The following LRCH3 variants were observed in gnomAD, a reference collection of about 807,000 sequenced individuals.
LRCH3 encodes the protein DISP complex protein LRCH3.
In LRCH3, 68 loss-of-function variants were observed where a neutral mutation model predicts 104.5. The ratio of observed to expected loss-of-function variants is 0.65; its 90% confidence interval spans 0.54 to 0.80. The LOEUF (loss-of-function observed/expected upper bound fraction) is 0.80, where lower values mean the gene tolerates loss of function less well. Ranked by LOEUF, LRCH3 falls within the 30% of genes least tolerant of loss-of-function variation. The pLI, the probability that LRCH3 is intolerant of heterozygous loss-of-function variation, is 0.00. For missense variants in LRCH3, 951 were observed against 953.9 expected, an observed-to-expected ratio of 1.00 and a Z score of 0.04; for synonymous variants, 344 against 361.3, an observed-to-expected ratio of 0.95 and a Z score of 0.54.
chr3:197,875,652 A>C, intron 19 of LRCH3, 46 bp from the exon 20 acceptor site: 1 of 1,449,336 alleles, frequency 6.9e-7, no homozygotes, highest in Non-Finnish European at 9.3e-7. Context: ...ACCCTGTCCC[A>C]GAAACAAAAC....
intron 17 of LRCH3, among the ~76,000 whole-genome samples, chr3:197,866,689 G>T (rs1741526467): frequency 6.6e-6 from 1 of 152,166 alleles, no homozygotes; most frequent in Non-Finnish European, 1.5e-5. Flanking sequence ...TCATGGTGGT[G>T]TGTGCCTGTG....
At chr3:197,871,582 C>G in intron 19 of LRCH3, 120 bp downstream of exon 19, 2 of 1,346,886 alleles carry the variant, frequency 1.5e-6, no homozygotes, top group Non-Finnish European at 2.0e-6. Flanking sequence ...AGTCCAGTCT[C>G]TACCTTCCTG....
intron 19 of LRCH3, among the ~76,000 whole-genome samples, chr3:197,872,061 A>T (rs552393526): frequency 6.6e-6 from 1 of 152,332 alleles, no homozygotes; most frequent in African/African-American, 2.4e-5. Context: ...ACTGCAGTTT[A>T]GAATGACGAA....
chr3:197,851,745 G>A (rs1389315956), intron 12 of LRCH3, among the ~76,000 whole-genome samples: 1 of 152,076 alleles, frequency 6.6e-6, no homozygotes, highest in Non-Finnish European at 1.5e-5. Context: ...TAATAAAATG[G>A]ATTTGCTGAA....
intron 9 of LRCH3, 149 bp from the exon 10 acceptor site, chr3:197,839,172 C>T (rs951559608): frequency 3.5e-6 from 2 of 564,146 alleles, no homozygotes; most frequent in Non-Finnish European, 6.2e-6. Flanking sequence ...GCATATGATG[C>T]TTTTAAACTT....
intron 5 of LRCH3, among the ~76,000 whole-genome samples, chr3:197,828,158 A>G (rs1259825269): frequency 6.6e-6 from 1 of 151,736 alleles, no homozygotes; most frequent in Admixed American, 6.6e-5. Context: ...TCTTTTTCTG[A>G]TCATTGTTAT....
chr3:197,882,079 G>C (rs1489629019), intron 20 of LRCH3: 1 of 985,252 alleles, frequency 1.0e-6, no homozygotes, highest in African/African-American at 1.7e-5. Flanking sequence ...ACACACACAG[G>C]CTCTCATGTG....
chr3:197,880,933 T>A lies in LRCH3; in HGVS notation c.2209-2608T>A, dbSNP rs1000000626. The A allele has an allele frequency of 5.7e-6, 8 of 1,406,746 alleles. No individual in the cohort carries two copies. The African/African-American group carries it at 1.2e-4, about 20-fold the overall frequency. The allele number at this position is 1,406,746 out of a possible 1,614,324, so 87.1% of individuals were successfully genotyped here. A position where few individuals can be genotyped will look rare whatever the true frequency, so the allele number is the denominator to read the frequency against. On this transcript the variant is annotated intron_variant, in intron 20 of 20. Coordinates refer to ENST00000425562, the MANE Select transcript of LRCH3 (RefSeq NM_001365715.1). ...TAACAAAGAGTAAAAGACCAGCATT[T>A]TTTCTCCTGGTCATCCGTCCATTCT...
Position 197,810,345 on chromosome 3 carries a change from G to T in LRCH3, c.263-4563G>T, listed in dbSNP as rs1053177264. ...CTTATTTTTGTATTTTAGAAATGGGGTTTCACCATGTTGGCCAGGCTGGTC... is the reference window on the plus strand; with the variant it reads ...CTTATTTTTGTATTTTAGAAATGGGTTTTCACCATGTTGGCCAGGCTGGTC... On this transcript the variant is annotated intron_variant, in intron 1 of 20. Transcript: ENST00000425562. This position sits in a 1 kb window ranked among gnomAD's most constrained non-coding sequence, Gnocchi z 4.0. Among the ~76,000 whole-genome samples, 33 of 151,986 alleles carry T rather than the reference G, an allele frequency of 2.2e-4. No individual in the cohort carries two copies. Among genetic ancestry groups the T allele is most frequent in the Admixed American group, 1.3e-3 (20 of 15,252 alleles).
At chr3:197,862,913 C>T (rs1003427917) in intron 15 of LRCH3, among the ~76,000 whole-genome samples, 1 of 152,210 alleles carries the variant, frequency 6.6e-6, no homozygotes, top group African/African-American at 2.4e-5. Context: ...TGATATCAAA[C>T]TAAGGAATTG....
Position 197,819,432 on chromosome 3 carries a change from C to G in LRCH3, c.535-893C>G, listed in dbSNP as rs561451887. 5.9e-5 allele frequency among the ~76,000 whole-genome samples: 9 copies of G among 151,634 alleles called. No individual in the cohort carries two copies. In the South Asian group the frequency reaches 1.0e-3, roughly 18 times the overall value. ...AGCATTGGACTCAGAAGTCTAGCTT[C>G]TGGCCGGGCACGGTGGCTCATGCCT... On this transcript the variant is annotated intron_variant, in intron 3 of 20. Coordinates refer to ENST00000425562, the MANE Select transcript of LRCH3 (RefSeq NM_001365715.1).
rs768602552 is a variant in LRCH3, at chr3:197,810,294, T to C, written c.263-4614T>C. Among the ~76,000 whole-genome samples the C allele has an allele frequency of 6.6e-6, 1 of 152,120 alleles. No individual in the cohort carries two copies. Among genetic ancestry groups the C allele is most frequent in the African/African-American group, 2.4e-5 (1 of 41,434 alleles). On this transcript the variant is annotated intron_variant, in intron 1 of 20. Transcript: ENST00000425562. This position sits in a 1 kb window ranked among gnomAD's most constrained non-coding sequence, Gnocchi z 4.0. Reference sequence around the variant, plus strand: ...GCCTCAGCCTCCTGAGTAGCTGAGATTACAGGTGCTCACGACCATGCCCAG... The same window carrying C: ...GCCTCAGCCTCCTGAGTAGCTGAGACTACAGGTGCTCACGACCATGCCCAG...
At chr3:197,863,170 C>T (rs766311650) in intron 15 of LRCH3, among the ~76,000 whole-genome samples, 2 of 152,034 alleles carry the variant, frequency 1.3e-5, no homozygotes, top group South Asian at 4.1e-4. Flanking sequence ...GTGCCTTAGT[C>T]GTATCATAAA....
At chr3:197,804,341 T>C (rs1289969) in intron 1 of LRCH3, among the ~76,000 whole-genome samples, 115,558 of 152,068 alleles carry the variant, frequency 0.76, 45,647 homozygotes, top group East Asian at 0.94. Flanking sequence ...GTTCCTAGGA[T>C]ATGATGTGCT....
intron 12 of LRCH3, chr3:197,850,258 A>G: frequency 3.5e-6 from 2 of 576,558 alleles, no homozygotes; most frequent in Non-Finnish European, 6.1e-6. Flanking sequence ...CTTAAAACTT[A>G]TTGAATGCTT....
At chr3:197,799,021 A>G (rs1731583249) in intron 1 of LRCH3, among the ~76,000 whole-genome samples, 1 of 152,126 alleles carries the variant, frequency 6.6e-6, no homozygotes. Flanking sequence ...CTCCCCTGAG[A>G]TTGGTCTTAG....
At chr3:197,876,599 T>C (rs578028768) in intron 20 of LRCH3, among the ~76,000 whole-genome samples, 4 of 152,340 alleles carry the variant, frequency 2.6e-5, no homozygotes, top group African/African-American at 9.6e-5. Context: ...AAGAAATAAA[T>C]GACTTGGTGC....
At chr3:197,840,585 T>G (rs1033846654) in intron 10 of LRCH3, among the ~76,000 whole-genome samples, 7 of 152,250 alleles carry the variant, frequency 4.6e-5, no homozygotes, top group Non-Finnish European at 2.9e-5. Flanking sequence ...AGCCTTTAGT[T>G]CTTTGCCTTC....
In LRCH3 at chr3:197,870,276, A is replaced by G. The variant is rs1406026299; in HGVS notation, c.1990A>G (p.Lys664Glu). 1.2e-6 allele frequency: 2 copies of G among 1,612,428 alleles called. No individual in the cohort carries two copies. Among genetic ancestry groups the G allele is most frequent in the African/African-American group, 1.3e-5 (1 of 75,038 alleles). The change falls in exon 18 of 21, where the codon AAA (lysine) becomes GAA (glutamate). Residue 664 changes from lysine to glutamate, a missense_variant and splice_region_variant. Lys to Glu is a moderately conservative substitution (Grantham distance 56, BLOSUM62 1). Coordinates refer to ENST00000425562, the MANE Select transcript of LRCH3 (RefSeq NM_001365715.1). ...EELELIDQLR[K>E]HIEYRLKVSL... ...GCTGGAATTAATAGACCAACTGCGT[A>G]AAGTATGTACATTACCTTTGATTTA...
Sources: gnomAD v4.1 joint callset for allele counts (sites outside exome capture counted in the v4.1 genomes callset) on GRCh38, gnomAD v4.1.1 for gene constraint, Gnocchi (gnomAD v3.1) non-coding constraint, MANE v1.5 for transcripts, NCBI Gene and HGNC (gene_info 2026-07-23, HGNC 2026-07-21) for gene names.